Variants in MAP3K5 observed in about 807,000 individuals in gnomAD.
MAP3K5 encodes ASK-1.
Under a neutral mutation model 158.7 loss-of-function variants are expected in MAP3K5, and 56 were observed. That is an observed-to-expected ratio of 0.35 (90% CI 0.28 to 0.44). The LOEUF (loss-of-function observed/expected upper bound fraction) is 0.44. Ranked by LOEUF, MAP3K5 falls within the 20% of genes least tolerant of loss-of-function variation. The pLI, the probability that MAP3K5 is intolerant of heterozygous loss-of-function variation, is 1.00. For synonymous variants in MAP3K5, 579 were observed against 601.7 expected (o/e 0.96, Z 0.55); for missense variants, 1,294 against 1,674.8 (o/e 0.77, Z 3.97).
Position 136,592,309 on chromosome 6 carries a change from G to T in MAP3K5, c.3089C>A (p.Ala1030Asp), listed in dbSNP as rs1390308745. The change falls in exon 23 of 30, where the codon GCT (alanine) becomes GAT (aspartate). Residue 1030 changes from alanine (A) to aspartate (D), a missense_variant. Coordinates refer to ENST00000359015, the MANE Select transcript of MAP3K5 (RefSeq NM_005923.4). ...IPDENFEDHS[A>D]PPSPEEKDSG... ...ATCTTTTTCTTCAGGGGAAGGAGGA[G>T]CACTGTGATCTTCAAAATTCTCATC... 2 of 1,600,136 alleles carry T rather than the reference G, an allele frequency of 1.2e-6. No individual in the cohort carries two copies. Among genetic ancestry groups the T allele is most frequent in the African/African-American group, 1.4e-5 (1 of 73,966 alleles).
rs1238287523 is a variant in MAP3K5 at position 136,609,369 on chromosome 6, G to C, written c.2521+1913C>G. ...TTGCCCTGAGGTGGGAGCTGGGCCA[G>C]GGGTATTGCTGACTGAATGCTCTAG... is the stretch of plus-strand genomic sequence containing the variant. On this transcript the variant is annotated intron_variant, in intron 18 of 29. Coordinates refer to ENST00000359015, the MANE Select transcript of MAP3K5 (RefSeq NM_005923.4). The surrounding 1 kb of genome is among the most constrained non-coding windows in gnomAD (Gnocchi z 4.4). 2.0e-5 allele frequency among the ~76,000 whole-genome samples: 3 copies of C among 152,170 alleles called. No homozygotes were observed. Among genetic ancestry groups the C allele is most frequent in the African/African-American group, 7.2e-5 (3 of 41,426 alleles).
chr6:136,675,453 C>T (rs541643148), intron 7 of MAP3K5, among the ~76,000 whole-genome samples: 42 of 152,026 alleles, frequency 2.8e-4, no homozygotes, highest in Admixed American at 9.2e-4. Context: ...TGTTCTCTCA[C>T]CATAATATAA....
intron 15 of MAP3K5, 59 bp from the exon 16 acceptor site, chr6:136,614,345 T>C: frequency 6.4e-7 from 1 of 1,570,318 alleles, no homozygotes; most frequent in South Asian, 1.1e-5. Flanking sequence ...CTGTATAAAT[T>C]TAAACAATAC....
At chr6:136,695,850 G>T in intron 6 of MAP3K5, 101 bp downstream of exon 6, 1 of 597,894 alleles carries the variant, frequency 1.7e-6, no homozygotes, top group Non-Finnish European at 2.9e-6. Flanking sequence ...CATTTTAATA[G>T]GGACTTCTTG....
intron 3 of MAP3K5, among the ~76,000 whole-genome samples, chr6:136,702,817 T>A (rs1347064990): frequency 6.6e-6 from 1 of 152,206 alleles, no homozygotes; most frequent in East Asian, 1.9e-4. Context: ...TGCCTCAGCC[T>A]CCCAAGTAAC....
chr6:136,763,821 A>G (rs1783854337), intron 1 of MAP3K5, among the ~76,000 whole-genome samples: 1 of 152,116 alleles, frequency 6.6e-6, no homozygotes, highest in Non-Finnish European at 1.5e-5. Flanking sequence ...GCTCTCATGA[A>G]TGGATTAATC....
At chr6:136,758,392 G>A (rs1195894694) in intron 1 of MAP3K5, among the ~76,000 whole-genome samples, 1 of 152,166 alleles carries the variant, frequency 6.6e-6, no homozygotes, top group Non-Finnish European at 1.5e-5. Flanking sequence ...GATGAAAACT[G>A]AACGAAAATG....
At chr6:136,590,084 G>C (rs1270857349) in intron 23 of MAP3K5, among the ~76,000 whole-genome samples, 1 of 152,180 alleles carries the variant, frequency 6.6e-6, no homozygotes, top group South Asian at 2.1e-4. Flanking sequence ...TCTCAGGAAA[G>C]CAAGATGTCA....
chr6:136,704,166 C>A (rs6937884), intron 3 of MAP3K5, among the ~76,000 whole-genome samples: 86,698 of 151,994 alleles, frequency 0.57, 25,916 homozygotes, highest in African/African-American at 0.75. Context: ...TAGGAACTTA[C>A]ATCAATCTCT....
chr6:136,668,091 C>A (rs1019992916), intron 8 of MAP3K5, among the ~76,000 whole-genome samples: 1 of 151,862 alleles, frequency 6.6e-6, no homozygotes, highest in African/African-American at 2.4e-5. Flanking sequence ...ACAAGAAATT[C>A]GCCAAAGTGG....
chr6:136,777,604 T>C (rs372440669), intron 1 of MAP3K5, among the ~76,000 whole-genome samples: 12 of 152,206 alleles, frequency 7.9e-5, no homozygotes, highest in Non-Finnish European at 5.9e-5. Context: ...AAATGTTACA[T>C]AAATGTTTAA....
chr6:136,709,774 A>G (rs1781231094), intron 2 of MAP3K5, among the ~76,000 whole-genome samples: 1 of 152,148 alleles, frequency 6.6e-6, no homozygotes, highest in South Asian at 2.1e-4. Flanking sequence ...GCAAACTATA[A>G]AAATCATTCC....
intron 21 of MAP3K5, among the ~76,000 whole-genome samples, chr6:136,598,645 T>A (rs915362784): frequency 1.3e-5 from 2 of 152,182 alleles, no homozygotes; most frequent in South Asian, 2.1e-4. Context: ...GGTCTCATTG[T>A]CACCACCCTC....
chr6:136,743,190 C>G (rs1035336225), intron 1 of MAP3K5, among the ~76,000 whole-genome samples: 1 of 151,968 alleles, frequency 6.6e-6, no homozygotes, highest in African/African-American at 2.4e-5. Context: ...GTGGCTCACG[C>G]CTGTAATCCC....
intron 7 of MAP3K5, among the ~76,000 whole-genome samples, chr6:136,680,386 C>T (rs1779882264): frequency 2.0e-5 from 3 of 152,158 alleles, no homozygotes; most frequent in Admixed American, 2.0e-4. Flanking sequence ...GATATTCCAT[C>T]CTTTGGAAAC....
intron 24 of MAP3K5, among the ~76,000 whole-genome samples, chr6:136,582,256 G>A (rs1251988293): frequency 7.4e-6 from 1 of 135,732 alleles, no homozygotes; most frequent in Non-Finnish European, 1.5e-5. Flanking sequence ...GTACACGTGT[G>A]TGTATACGTG....
At chr6:136,567,582 T>C (rs1385979295) in intron 26 of MAP3K5, 49 bp downstream of exon 26, 3 of 1,550,878 alleles carry the variant, frequency 1.9e-6, no homozygotes, top group Non-Finnish European at 2.6e-6. Context: ...ACATGCTCTT[T>C]AGTAAAAGTA....
At chr6:136,603,336 C>G (rs1254322590) in intron 19 of MAP3K5, among the ~76,000 whole-genome samples, 1 of 150,718 alleles carries the variant, frequency 6.6e-6, no homozygotes, top group African/African-American at 2.5e-5. Flanking sequence ...CTGTGCCCCC[C>G]TAATTTTTTT....
At chr6:136,581,780 C>G (rs1774890158) in intron 24 of MAP3K5, among the ~76,000 whole-genome samples, 1 of 152,196 alleles carries the variant, frequency 6.6e-6, no homozygotes. Flanking sequence ...ACCTTCATTT[C>G]TTTAAAAAAT....
Sources: allele counts gnomAD v4.1 joint callset (sites outside exome capture counted in the v4.1 genomes callset), GRCh38; gene constraint gnomAD v4.1.1; non-coding constraint Gnocchi (gnomAD v3.1); transcripts MANE v1.5; gene names NCBI Gene and HGNC (gene_info 2026-07-23, HGNC 2026-07-21).